Variants in CRTAP observed in about 807,000 individuals in gnomAD.
The protein encoded by CRTAP is cartilage-associated protein.
Under a neutral mutation model 42.7 loss-of-function variants are expected in CRTAP, and 33 were observed. The observed-to-expected ratio is 0.77, with a 90% CI of 0.59 to 1.03. The LOEUF is 1.03. Ranked by LOEUF, CRTAP falls within the 50% of genes least tolerant of loss-of-function variation. CRTAP has a pLI of 0.00. For missense variants in CRTAP, 613 were observed against 533.9 expected (o/e 1.15, Z -1.46); for synonymous variants, 243 against 217.7 (o/e 1.12, Z -1.02).
At chr3:33,119,049 C>T (rs1371003531) in intron 1 of CRTAP, among the ~76,000 whole-genome samples, 1 of 152,184 alleles carries the variant, frequency 6.6e-6, no homozygotes, top group African/African-American at 2.4e-5. Flanking sequence ...CCCCTCAAAC[C>T]TGTCAGGCTC....
chr3:33,134,219 A>T lies in CRTAP; in HGVS notation c.1106A>T (p.Lys369Met). ...TTCTTTAATGTGACCACACTCCAGA[A>T]GGAGCTGTATGACTTTGCTAAGGAA... The part of the protein sequence containing the change: ...VQFFNVTTLQ[K>M]ELYDFAKENI... Residue 369 changes from lysine to methionine, a missense_variant, in exon 6 of 7, where the codon AAG (lysine) becomes ATG (methionine). By Grantham distance (95) the Lys-to-Met change is moderately conservative. Coordinates refer to ENST00000320954, the MANE Select transcript of CRTAP (RefSeq NM_006371.5). The T allele has an allele frequency of 6.2e-7, 1 of 1,613,632 alleles. No individual in the cohort carries two copies. The highest frequency in any genetic ancestry group is 8.5e-7 in the Non-Finnish European group (1 of 1,179,498).
chr3:33,142,332 C>A, intron 6 of CRTAP, 63 bp from the exon 7 acceptor site: 2 of 1,421,346 alleles, frequency 1.4e-6, no homozygotes, highest in Non-Finnish European at 2.0e-6. Flanking sequence ...ACTGTTTCTG[C>A]TCATCAGTAC....
chr3:33,134,033 G>T, intron 5 of CRTAP, 149 bp from the exon 6 acceptor site: 1 of 677,594 alleles, frequency 1.5e-6, no homozygotes, highest in Non-Finnish European at 2.7e-6. Flanking sequence ...GTGGTTGTTA[G>T]TATATTCAGA....
chr3:33,139,271 C>G (rs908521688), intron 6 of CRTAP, among the ~76,000 whole-genome samples: 3 of 152,000 alleles, frequency 2.0e-5, no homozygotes, highest in African/African-American at 4.8e-5. Context: ...CCACTGCACA[C>G]TAGGCTAGGT....
In CRTAP at chr3:33,134,195, T is replaced by C; in HGVS notation, c.1082T>C (p.Phe361Ser). ...GTGTCTGAACAGGAAGCAGTTCAGT[T>C]CTTTAATGTGACCACACTCCAGAAG... is the stretch of plus-strand genomic sequence containing the variant. ...HFQPRPEAVQ[F>S]FNVTTLQKEL... Residue 361 changes from phenylalanine (F) to serine (S), a missense_variant, in exon 6 of 7, where the codon TTC becomes TCC. Physicochemically the swap from Phe to Ser is radical, Grantham distance 155. Coordinates refer to ENST00000320954, the MANE Select transcript of CRTAP (RefSeq NM_006371.5). 1 of 1,612,824 alleles carries C rather than the reference T, an allele frequency of 6.2e-7. No individual in the cohort carries two copies. Among genetic ancestry groups the C allele is most frequent in the South Asian group, 1.1e-5 (1 of 91,050 alleles).
intron 6 of CRTAP, among the ~76,000 whole-genome samples, chr3:33,137,266 A>G (rs1449142739): frequency 6.6e-6 from 1 of 152,030 alleles, no homozygotes; most frequent in Non-Finnish European, 1.5e-5. Context: ...CAGCCATCCT[A>G]GTAGCTGGGA....
chr3:33,135,510 T>C lies in CRTAP; in HGVS notation c.1152+1245T>C, dbSNP rs146031817. ...TGGGTATGGTGGAGTGCACCCGTAG[T>C]CCTAGCTACTTGGAAGGCTGAAGGA... is the stretch of plus-strand genomic sequence containing the variant. On this transcript the variant is annotated intron_variant, in intron 6 of 6. Transcript: ENST00000320954. 3.1e-4 allele frequency among the ~76,000 whole-genome samples: 47 copies of C among 151,974 alleles called. No individual in the cohort carries two copies. In the East Asian group the frequency reaches 9.1e-3, roughly 29 times the overall value.
Position 33,139,499 on chromosome 3 carries a change from G to A in CRTAP, c.1153-2896G>A, listed in dbSNP as rs1415413925. 4.1e-5 allele frequency among the ~76,000 whole-genome samples: 6 copies of A among 145,232 alleles called. 1 individual carries two copies. Among genetic ancestry groups the A allele is most frequent in the Admixed American group, 2.8e-4 (4 of 14,514 alleles). On this transcript the variant is annotated intron_variant, in intron 6 of 6. Coordinates refer to ENST00000320954, the MANE Select transcript of CRTAP (RefSeq NM_006371.5). ...AATTTTTTTTTTTTTTTTTTGAGAC[G>A]GAGTTTCACTCTTGTTGCCTAGGCT... is the stretch of plus-strand genomic sequence containing the variant.
chr3:33,135,993 C>A (rs1316637247), intron 6 of CRTAP, among the ~76,000 whole-genome samples: 1 of 152,108 alleles, frequency 6.6e-6, no homozygotes, highest in Non-Finnish European at 1.5e-5. Flanking sequence ...ATTTTTATTG[C>A]CCCCAAAAGA....
chr3:33,129,512 G>T (rs1482252259), intron 3 of CRTAP, among the ~76,000 whole-genome samples: 2 of 149,398 alleles, frequency 1.3e-5, no homozygotes, highest in Admixed American at 1.3e-4. Context: ...CTCCTTGTAG[G>T]TGTTGAAAAT....
chr3:33,134,012 T>C (rs1284802535), intron 5 of CRTAP, among the ~76,000 whole-genome samples, 170 bp from the exon 6 acceptor site: 1 of 152,240 alleles, frequency 6.6e-6, no homozygotes, highest in Non-Finnish European at 1.5e-5. Flanking sequence ...CTTTTTAAAG[T>C]GTACAATTCA....
At chr3:33,137,488 G>A (rs2030456564) in intron 6 of CRTAP, among the ~76,000 whole-genome samples, 1 of 152,108 alleles carries the variant, frequency 6.6e-6, no homozygotes, top group Non-Finnish European at 1.5e-5. Context: ...TTCATGATTG[G>A]CCATTTGTAT....
chr3:33,138,367 CCATGAA>C (rs1358034713), intron 6 of CRTAP, among the ~76,000 whole-genome samples: 3 of 151,980 alleles, frequency 2.0e-5, no homozygotes, highest in Non-Finnish European at 4.4e-5. Flanking sequence ...GTCTTCTAAT[CCATGAA>C]CATGAGAAGT....
At chr3:33,137,087 A>C (rs2030440880) in intron 6 of CRTAP, among the ~76,000 whole-genome samples, 1 of 151,750 alleles carries the variant, frequency 6.6e-6, no homozygotes, top group Non-Finnish European at 1.5e-5. Flanking sequence ...TTTAATAGCC[A>C]TGCTAGTGGA....
chr3:33,114,014 C>A lies in CRTAP; in HGVS notation c.-64C>A. ...CCCGCCGCGTCGCACCGTCCTCTTTCCTTTCCTTCTCCCTCCCCTTTTCCC... is the reference window on the plus strand; with the variant it reads ...CCCGCCGCGTCGCACCGTCCTCTTTACTTTCCTTCTCCCTCCCCTTTTCCC... On this transcript the variant is annotated 5_prime_UTR_variant, in exon 1 of 7. Coordinates refer to ENST00000320954, the MANE Select transcript of CRTAP (RefSeq NM_006371.5). The A allele has an allele frequency of 7.7e-7, 1 of 1,290,574 alleles. No homozygotes were observed. The highest frequency in any genetic ancestry group is 1.0e-6 in the Non-Finnish European group (1 of 978,416). The allele number at this position is 1,290,574 out of a possible 1,614,324, so 79.9% of individuals were successfully genotyped here. A position where few individuals can be genotyped will look rare whatever the true frequency, so the allele number is the denominator to read the frequency against.
At chr3:33,129,535 C>CTTTTTTTTTT (rs753545426) in intron 3 of CRTAP, among the ~76,000 whole-genome samples, 1 of 115,730 alleles carries the variant, frequency 8.6e-6, no homozygotes, top group Non-Finnish European at 1.8e-5. Flanking sequence ...TTTTCTTTTT[C>CTTTTTTTTTT]TTTTTTTTTT....
Position 33,124,528 on chromosome 3 carries a change from G to A in CRTAP, c.742G>A (p.Glu248Lys), listed in dbSNP as rs765752550. Residue 248 changes from glutamate to lysine, a missense_variant, in exon 3 of 7, where the codon GAG becomes AAG. Coordinates refer to ENST00000320954, the MANE Select transcript of CRTAP (RefSeq NM_006371.5). ...KAFYECLAAC[E>K]GSREIKDFKD... Reference sequence around the variant, plus strand: ...CTTTTACGAGTGTCTCGCAGCCTGCGAGGGTTCCAGGGAGATCAAGGACTT... The same window carrying A: ...CTTTTACGAGTGTCTCGCAGCCTGCAAGGGTTCCAGGGAGATCAAGGACTT... The A allele has an allele frequency of 6.8e-6, 11 of 1,614,110 alleles. No individual in the cohort carries two copies. Among genetic ancestry groups the A allele is most frequent in the East Asian group, 4.5e-5 (2 of 44,896 alleles).
At chr3:33,132,942 G>C (rs1331758378) in intron 5 of CRTAP, among the ~76,000 whole-genome samples, 1 of 152,064 alleles carries the variant, frequency 6.6e-6, no homozygotes, top group Non-Finnish European at 1.5e-5. Flanking sequence ...GCCAGGCGTG[G>C]TGGCACGTGG....
Position 33,146,116 on chromosome 3 carries a change from C to T in CRTAP, c.*3668C>T, listed in dbSNP as rs1379780401. ...GCTGCACTCAATGACCTCAACCCAA[C>T]ACCTCCCTGAGTGTGCTTCTTGGAA... On this transcript the variant is annotated 3_prime_UTR_variant, in exon 7 of 7. Coordinates refer to ENST00000320954, the MANE Select transcript of CRTAP (RefSeq NM_006371.5). 2 of 152,112 alleles carry T rather than the reference C, an allele frequency of 1.3e-5. No individual in the cohort carries two copies. The highest frequency in any genetic ancestry group is 2.9e-5 in the Non-Finnish European group (2 of 68,050). The allele number at this position is 152,112 out of a possible 1,614,324, so 9.4% of individuals were successfully genotyped here.
Sources: allele counts gnomAD v4.1 joint callset (sites outside exome capture counted in the v4.1 genomes callset), GRCh38; gene constraint gnomAD v4.1.1; transcripts MANE v1.5; gene names NCBI Gene and HGNC (gene_info 2026-07-23, HGNC 2026-07-21).